The following KRT73 variants were observed in gnomAD, a reference collection of about 807,000 sequenced individuals.
KRT73 encodes keratin 73, also known as keratin, type II cytoskeletal 73.
A neutral mutation model predicts 47.2 loss-of-function variants in KRT73; 44 were observed. The observed-to-expected ratio is 0.93, with a 90% CI of 0.73 to 1.20. The LOEUF (loss-of-function observed/expected upper bound fraction) is 1.20, where lower values mean the gene tolerates loss of function less well. Among genes scored for constraint, KRT73 ranks in the 50% most tolerant of loss-of-function variants. The pLI is 0.00. For synonymous variants in KRT73, 285 were observed against 291.3 expected, an observed-to-expected ratio of 0.98 and a Z score of 0.22; for missense variants, 713 against 704.5, an observed-to-expected ratio of 1.01 and a Z score of -0.14.
intron 2 of KRT73, 78 bp downstream of exon 2, chr12:52,616,088 C>T: frequency 6.4e-7 from 1 of 1,562,014 alleles, no homozygotes. Context: ...CCTCCAAGGC[C>T]AGAGGCAAAC....
Position 52,609,264 on chromosome 12 carries a change from G to C in KRT73, c.1349C>G (p.Thr450Ser), listed in dbSNP as rs1235610005. 5.0e-6 allele frequency: 8 copies of C among 1,613,504 alleles called. No homozygotes were observed. The highest frequency in any genetic ancestry group is 5.9e-6 in the Non-Finnish European group (7 of 1,179,554). The change falls in exon 8 of 9, where the codon ACC (threonine) becomes AGC (serine). Residue 450 changes from threonine to serine, a missense_variant. Thr to Ser is a moderately conservative substitution (Grantham distance 58). Transcript: ENST00000305748. ...ATACTCACAAATGCTCACGGAGTTGGTATATTCTCCGGACATCCTGCAAGA... is the reference window on the plus strand; with the variant it reads ...ATACTCACAAATGCTCACGGAGTTGCTATATTCTCCGGACATCCTGCAAGA... ...GEECRMSGEYTNSVSISVINS... is the reference protein window; with the variant it reads ...GEECRMSGEYSNSVSISVINS...
At chr12:52,629,354 G>T in the KRT73 span, among the ~76,000 whole-genome samples, 1 of 152,296 alleles carries the variant, frequency 6.6e-6, no homozygotes, top group South Asian at 2.1e-4. Context: ...CACTGTCTGG[G>T]CCATGTGTCC....
chr12:52,614,158 A>G, intron 4 of KRT73: 1 of 360,556 alleles, frequency 2.8e-6, no homozygotes, highest in Non-Finnish European at 5.0e-6. Context: ...GGGGCACAGG[A>G]GCCCAGAAAT....
chr12:52,616,617 C>T (rs374690826), intron 1 of KRT73, among the ~76,000 whole-genome samples: 1 of 152,242 alleles, frequency 6.6e-6, no homozygotes. Flanking sequence ...TCTTCATTTC[C>T]CTCTCAAACT....
At chr12:52,623,280 AAGATTTCTCATCATAAACTATGG>A (rs1329339923), upstream of KRT73, among the ~76,000 whole-genome samples, 1 of 152,258 alleles carries the variant, frequency 6.6e-6, no homozygotes, top group Non-Finnish European at 1.5e-5. Flanking sequence ...TGAAGGACAG[AAGATTTCTCATCATAAACTATGG>A]AGGCTAGCAG....
chr12:52,619,690 T>C (rs1940871405), upstream of KRT73, among the ~76,000 whole-genome samples: 1 of 152,212 alleles, frequency 6.6e-6, no homozygotes, highest in African/African-American at 2.4e-5. Flanking sequence ...TCCCGAATTA[T>C]GAAGACCAAA....
chr12:52,630,741 C>T, the KRT73 span, among the ~76,000 whole-genome samples: 2 of 152,226 alleles, frequency 1.3e-5, no homozygotes, highest in Non-Finnish European at 2.9e-5. Context: ...CTCAGTTCAG[C>T]TCATCGACCT....
intron 6 of KRT73, 67 bp downstream of exon 6, chr12:52,611,137 G>A (rs760464529): frequency 2.5e-6 from 4 of 1,576,760 alleles, no homozygotes; most frequent in African/African-American, 2.7e-5. Context: ...AGAAGGAGGG[G>A]GCAGGGGGTG....
At chr12:52,615,486 A>G in intron 2 of KRT73, 147 bp from the exon 3 acceptor site, 1 of 611,660 alleles carries the variant, frequency 1.6e-6, no homozygotes, top group Admixed American at 2.8e-5. Context: ...CCAACACACC[A>G]GGACTATTTG....
chr12:52,630,537 T>C, the KRT73 span, among the ~76,000 whole-genome samples: 12 of 152,324 alleles, frequency 7.9e-5, no homozygotes, highest in Non-Finnish European at 1.5e-4. Context: ...ACCAGGTACC[T>C]TCCTGCACCC....
At position 52,608,073 on chromosome 12, in the gene KRT73, G is replaced by A. The variant is rs1242020300; in HGVS notation, c.*123C>T. ...AGAGAGGTCAAGGAGAAGGAGGAGA[G>A]GTCCACAGCAAAGCAAAGCAAGAAG... On this transcript the variant is annotated 3_prime_UTR_variant, in exon 9 of 9. Transcript: ENST00000305748. The A allele has an allele frequency of 4.9e-6, 5 of 1,010,614 alleles. No homozygotes were observed. In the East Asian group the frequency reaches 7.7e-5, roughly 16 times the overall value. 62.6% of individuals were successfully genotyped at this position (1,010,614 alleles called of 1,614,324 possible).
chr12:52,624,250 CA>C, the KRT73 span, among the ~76,000 whole-genome samples: 2 of 151,752 alleles, frequency 1.3e-5, no homozygotes, highest in African/African-American at 4.8e-5. Context: ...AAAAGAGTTG[CA>C]AAATATGTGA....
rs1402235489 is a variant in KRT73, at chr12:52,610,602, C to G, written c.1331+13G>C. The G allele has an allele frequency of 6.4e-6, 9 of 1,405,172 alleles. No individual in the cohort carries two copies. The highest frequency in any genetic ancestry group is 8.6e-6 in the Non-Finnish European group (9 of 1,049,356). The allele number at this position is 1,405,172 out of a possible 1,614,324, so 87.0% of individuals were successfully genotyped here. A position where few individuals can be genotyped will look rare whatever the true frequency, so the allele number is the denominator to read the frequency against. ...AGACTTGCAGTTTCTTCCAGTCCCTCGGTCCCACCCACCTGCACTCCTCGC... is the reference window on the plus strand; with the variant it reads ...AGACTTGCAGTTTCTTCCAGTCCCTGGGTCCCACCCACCTGCACTCCTCGC... On this transcript the variant is annotated intron_variant, in intron 7 of 8. Transcript: ENST00000305748.
chr12:52,610,928 T>C (rs1207522004), intron 6 of KRT73, 93 bp from the exon 7 acceptor site: 2 of 1,150,478 alleles, frequency 1.7e-6, no homozygotes, highest in Non-Finnish European at 2.5e-6. Flanking sequence ...TCCTCTGTCC[T>C]GCCCCATGTC....
rs1473178838 is a variant in KRT73 at position 52,616,400 on chromosome 12, T to A, written c.448-20A>T. The A allele has an allele frequency of 3.1e-6, 5 of 1,613,504 alleles. No individual in the cohort carries two copies. The highest frequency in any genetic ancestry group is 4.2e-6 in the Non-Finnish European group (5 of 1,179,650). ...CCGCACCTGGAACCCATGCCACACA[T>A]ACTTAAGCAATGTGGAGAGGGGATG... On this transcript the variant is annotated intron_variant, in intron 1 of 8. Coordinates refer to ENST00000305748, the MANE Select transcript of KRT73 (RefSeq NM_175068.3).
chr12:52,629,376 C>T, the KRT73 span, among the ~76,000 whole-genome samples: 13 of 148,432 alleles, frequency 8.8e-5, no homozygotes, highest in African/African-American at 3.0e-4. Flanking sequence ...CCACAGGCAG[C>T]AAGGGCCCTG....
chr12:52,616,476 T>A, intron 1 of KRT73, 96 bp from the exon 2 acceptor site: 2 of 1,469,144 alleles, frequency 1.4e-6, no homozygotes, highest in Non-Finnish European at 1.9e-6. Flanking sequence ...CTACATTAGC[T>A]TTAAAAATGA....
Position 52,615,306 on chromosome 12 carries a change from A to G in KRT73, c.696T>C (p.Ala232=), listed in dbSNP as rs1483603385. The change falls in exon 3 of 9, where the codon GCT becomes GCC. Residue 232 remains alanine (A), a synonymous_variant. Coordinates refer to ENST00000305748, the MANE Select transcript of KRT73 (RefSeq NM_175068.3). ...TCTTAAGCACCACAAATTCATTCTC[A>G]GCAGTTGTGCGCTTGTTTATTTCTT... ...YEEEINKRTT[A]ENEFVVLKKD... The G allele has an allele frequency of 6.2e-7, 1 of 1,613,856 alleles. No individual in the cohort carries two copies. The highest frequency in any genetic ancestry group is 2.2e-5 in the East Asian group (1 of 44,876).
intron 2 of KRT73, among the ~76,000 whole-genome samples, chr12:52,615,581 G>A (rs141581535): frequency 2.5e-4 from 38 of 152,200 alleles, no homozygotes; most frequent in African/African-American, 7.9e-4. Context: ...CCTGGGGAGT[G>A]AGTAGGTTCT....
Sources: gnomAD v4.1 joint callset for allele counts (sites outside exome capture counted in the v4.1 genomes callset) on GRCh38, gnomAD v4.1.1 for gene constraint, MANE v1.5 for transcripts, NCBI Gene and HGNC (gene_info 2026-07-23, HGNC 2026-07-21) for gene names.